The following ENTPD1 variants were observed in gnomAD, a reference collection of about 807,000 sequenced individuals.
ENTPD1 encodes the protein ectonucleoside triphosphate diphosphohydrolase 1.
Under a neutral mutation model 57.0 loss-of-function variants are expected in ENTPD1, and 33 were observed. That is an observed-to-expected ratio of 0.58 (90% CI 0.44 to 0.77). The LOEUF (loss-of-function observed/expected upper bound fraction) is 0.77, where lower values mean the gene tolerates loss of function less well. Among genes scored for constraint, ENTPD1 ranks in the 30% least tolerant of loss-of-function variants. ENTPD1 has a pLI of 0.00. For synonymous variants in ENTPD1, 202 were observed against 218.8 expected (o/e 0.92, Z 0.68); for missense variants, 501 against 603.4 (o/e 0.83, Z 1.78).
intron 1 of ENTPD1, among the ~76,000 whole-genome samples, chr10:95,736,732 G>C (rs2097995039): frequency 6.6e-6 from 1 of 152,104 alleles, no homozygotes; most frequent in African/African-American, 2.4e-5. Flanking sequence ...ACTGGAATGT[G>C]CTTCATTTAT....
upstream of ENTPD1, among the ~76,000 whole-genome samples, chr10:95,710,658 A>T (rs1321531695): frequency 6.6e-6 from 1 of 152,186 alleles, no homozygotes; most frequent in East Asian, 1.9e-4. Context: ...GCCATTTAGT[A>T]TTAATAACAA....
At chr10:95,747,737 A>T (rs7090630) in intron 1 of ENTPD1, among the ~76,000 whole-genome samples, 11,134 of 152,248 alleles carry the variant, frequency 0.073, 448 homozygotes, top group African/African-American at 0.096. Context: ...ATCTAAGGAA[A>T]CCTTGATATT....
chr10:95,774,597 C>T (rs959724569), intron 1 of ENTPD1, among the ~76,000 whole-genome samples: 1 of 152,138 alleles, frequency 6.6e-6, no homozygotes, highest in Admixed American at 6.6e-5. Context: ...AATCATTTCC[C>T]CATTTCTTGT....
chr10:95,869,240 A>C lies in ENTPD1; in HGVS notation c.*2857A>C. On this transcript the variant is annotated 3_prime_UTR_variant, in exon 10 of 10. Transcript: ENST00000371205. ...AGAAAAAAGATCAGCAGAAGTCATT[A>C]CTTTTTTTTTTTTTTTTTTTTTTTT... is the stretch of plus-strand genomic sequence containing the variant. 4 of 720,514 alleles carry C rather than the reference A, an allele frequency of 5.6e-6. No homozygotes were observed. Among genetic ancestry groups the C allele is most frequent in the Non-Finnish European group, 6.4e-6 (4 of 628,832 alleles). The allele number at this position is 720,514 out of a possible 1,614,324, so 44.6% of individuals were successfully genotyped here. A position where few individuals can be genotyped will look rare whatever the true frequency, so the allele number is the denominator to read the frequency against.
At chr10:95,863,118 C>T (rs1053455739) in intron 8 of ENTPD1, among the ~76,000 whole-genome samples, 9 of 152,170 alleles carry the variant, frequency 5.9e-5, no homozygotes, top group Non-Finnish European at 4.4e-5. Flanking sequence ...GCCTTTTTGG[C>T]TTCTATATTT....
At chr10:95,757,903 G>T (rs189069376) in intron 1 of ENTPD1, among the ~76,000 whole-genome samples, 13 of 150,970 alleles carry the variant, frequency 8.6e-5, no homozygotes, top group South Asian at 8.4e-4. Context: ...CACTTGGAAG[G>T]CTGAGGTAGG....
intron 1 of ENTPD1, among the ~76,000 whole-genome samples, chr10:95,810,517 T>G (rs1046558712): frequency 4.2e-5 from 6 of 141,880 alleles, no homozygotes; most frequent in Non-Finnish European, 9.3e-5. Flanking sequence ...ACATCCCAGA[T>G]GGGGTGGTGG....
intron 1 of ENTPD1, among the ~76,000 whole-genome samples, chr10:95,780,898 T>A (rs1332104782): frequency 6.6e-6 from 1 of 152,100 alleles, no homozygotes; most frequent in Non-Finnish European, 1.5e-5. Flanking sequence ...ATCCAGCAAT[T>A]CCATGGCTAG....
intron 2 of ENTPD1, among the ~76,000 whole-genome samples, chr10:95,825,740 G>A (rs916283655): frequency 6.6e-6 from 1 of 152,080 alleles, no homozygotes; most frequent in African/African-American, 2.4e-5. Flanking sequence ...ATCACGCCCG[G>A]CTAATTTTTT....
At chr10:95,702,840 T>C in the ENTPD1 span, among the ~76,000 whole-genome samples, 1 of 152,178 alleles carries the variant, frequency 6.6e-6, no homozygotes, top group East Asian at 1.9e-4. Context: ...TGGAGTGCAA[T>C]GGTGCGATCT....
chr10:95,871,506 T>C lies in ENTPD1; in HGVS notation c.*5123T>C, dbSNP rs566899799. On this transcript the variant is annotated 3_prime_UTR_variant, in exon 10 of 10. Coordinates refer to ENST00000371205, the MANE Select transcript of ENTPD1 (RefSeq NM_001776.6). ...GACAATGTATAGCTAATTACCCAAC[T>C]TTTTATTTGCATACAAATCTAATAC... is the stretch of plus-strand genomic sequence containing the variant. 2.4e-5 allele frequency: 24 copies of C among 985,420 alleles called. No homozygotes were observed. The South Asian group carries it at 8.9e-4, about 37-fold the overall frequency. 61.0% of individuals were successfully genotyped at this position (985,420 alleles called of 1,614,324 possible).
At chr10:95,826,441 C>T (rs944014412) in intron 2 of ENTPD1, among the ~76,000 whole-genome samples, 5 of 151,842 alleles carry the variant, frequency 3.3e-5, no homozygotes, top group East Asian at 1.9e-4. Flanking sequence ...GGTATGGTGG[C>T]GCGTACTTGT....
At chr10:95,809,916 T>A (rs1489772496) in intron 1 of ENTPD1, among the ~76,000 whole-genome samples, 1 of 123,308 alleles carries the variant, frequency 8.1e-6, no homozygotes, top group African/African-American at 3.2e-5. Flanking sequence ...ACGGGGCAGC[T>A]GCCGGGCAGA....
intron 1 of ENTPD1, among the ~76,000 whole-genome samples, chr10:95,795,855 A>G (rs79391950): frequency 5.3e-5 from 8 of 152,296 alleles, no homozygotes; most frequent in Middle Eastern, 3.4e-3. Flanking sequence ...AGCTGAGTGT[A>G]TATTTTCTTC....
At chr10:95,826,339 G>A (rs753119782) in intron 2 of ENTPD1, among the ~76,000 whole-genome samples, 2 of 152,046 alleles carry the variant, frequency 1.3e-5, no homozygotes, top group African/African-American at 2.4e-5. Flanking sequence ...TTGGGAGGCC[G>A]AGGTGGGCAG....
At chr10:95,865,153 A>G (rs925012952) in intron 9 of ENTPD1, among the ~76,000 whole-genome samples, 2 of 152,224 alleles carry the variant, frequency 1.3e-5, no homozygotes, top group South Asian at 4.1e-4. Context: ...TTAAAGTAAC[A>G]GCATTTCAGC....
chr10:95,740,237 TGCCTCG>T (rs2097998936), intron 1 of ENTPD1, among the ~76,000 whole-genome samples: 1 of 152,210 alleles, frequency 6.6e-6, no homozygotes, highest in Non-Finnish European at 1.5e-5. Flanking sequence ...GTGATTCTCG[TGCCTCG>T]GCCTCCCGAA....
chr10:95,732,697 G>C (rs563843751), intron 1 of ENTPD1, among the ~76,000 whole-genome samples: 3 of 152,134 alleles, frequency 2.0e-5, no homozygotes, highest in Non-Finnish European at 2.9e-5. Flanking sequence ...AGAAATAAAG[G>C]GAAAGAGTAC....
At chr10:95,800,857 C>T (rs2098246484) in intron 1 of ENTPD1, among the ~76,000 whole-genome samples, 1 of 152,156 alleles carries the variant, frequency 6.6e-6, no homozygotes, top group Admixed American at 6.5e-5. Flanking sequence ...TTTAAACACA[C>T]ATGTTTTACA....
Sources: gnomAD v4.1 joint callset for allele counts (sites outside exome capture counted in the v4.1 genomes callset) on GRCh38, gnomAD v4.1.1 for gene constraint, MANE v1.5 for transcripts, NCBI Gene and HGNC (gene_info 2026-07-23, HGNC 2026-07-21) for gene names.